Variants in ITGA1 observed in about 807,000 individuals in gnomAD.
ITGA1 encodes integrin alpha-1.
ITGA1 carries 85 observed loss-of-function variants against 145.9 expected under a neutral mutation model. The observed-to-expected ratio is 0.58, with a 90% CI of 0.49 to 0.70. The LOEUF is 0.70. ITGA1 is among the 30% of genes least tolerant of loss of function. ITGA1 has a pLI of 0.00. For missense variants in ITGA1, 1,351 were observed against 1,418.7 expected, an observed-to-expected ratio of 0.95 and a Z score of 0.77; for synonymous variants, 520 against 495.3, an observed-to-expected ratio of 1.05 and a Z score of -0.66.
At chr5:52,879,318 A>G (rs1749917349) in intron 6 of ITGA1, among the ~76,000 whole-genome samples, 1 of 152,204 alleles carries the variant, frequency 6.6e-6, no homozygotes, top group African/African-American at 2.4e-5. Flanking sequence ...ATCAAATAAA[A>G]ACAAAGGGGA....
chr5:52,940,381 A>G (rs929617584), intron 26 of ITGA1, among the ~76,000 whole-genome samples: 2 of 151,428 alleles, frequency 1.3e-5, no homozygotes, highest in African/African-American at 4.9e-5. Context: ...GTATAATTTT[A>G]TAATATATAG....
intron 26 of ITGA1, among the ~76,000 whole-genome samples, chr5:52,941,142 G>A (rs1751048163): frequency 6.6e-6 from 1 of 152,140 alleles, no homozygotes; most frequent in African/African-American, 2.4e-5. Flanking sequence ...AGTGTTCCAT[G>A]GTGTATATGT....
At chr5:52,923,379 C>T (rs967469961) in intron 18 of ITGA1, among the ~76,000 whole-genome samples, 8 of 151,652 alleles carry the variant, frequency 5.3e-5, no homozygotes, top group African/African-American at 7.3e-5. Context: ...GCTCCCAGGC[C>T]GTCTATAGTT....
At chr5:52,827,827 T>C (rs1037247761) in intron 1 of ITGA1, among the ~76,000 whole-genome samples, 12 of 152,322 alleles carry the variant, frequency 7.9e-5, no homozygotes, top group Admixed American at 3.3e-4. Context: ...GCATATTGTT[T>C]TTGTAGAAAT....
intron 24 of ITGA1, 151 bp downstream of exon 24, chr5:52,937,665 T>C (rs1750991150): frequency 8.0e-6 from 5 of 623,662 alleles, no homozygotes; most frequent in Non-Finnish European, 1.4e-5. Context: ...TAATAATAGA[T>C]GTATTATTCC....
chr5:52,920,491 C>G (rs1334356049), intron 17 of ITGA1, 23 bp downstream of exon 17: 1 of 1,552,516 alleles, frequency 6.4e-7, no homozygotes, highest in Admixed American at 2.0e-5. Flanking sequence ...TATATCGTTG[C>G]TGCCTTATTC....
chr5:52,865,804 C>T lies in ITGA1; in HGVS notation c.611C>T (p.Pro204Leu). 3.1e-6 allele frequency: 5 copies of T among 1,590,342 alleles called. No individual in the cohort carries two copies. Among genetic ancestry groups the T allele is most frequent in the Non-Finnish European group, 4.3e-6 (5 of 1,171,726 alleles). The change falls in exon 6 of 29, where the codon CCT becomes CTT. Residue 204 changes from proline (P) to leucine (L), a missense_variant. Transcript: ENST00000282588. ...CTTCTTGAAAGAATGGATATTGGTC[C>T]TAAACAGACACAGGTATGTGACTTT... ...NDLLERMDIG[P>L]KQTQVGIVQY...
chr5:52,915,053 A>C (rs12652105), intron 14 of ITGA1, among the ~76,000 whole-genome samples: 31,762 of 151,970 alleles, frequency 0.21, 4,014 homozygotes, highest in East Asian at 0.35. Context: ...CTCCAAATTG[A>C]CCCCTAGGAC....
At chr5:52,946,805 G>T (rs1235673594) in intron 27 of ITGA1, among the ~76,000 whole-genome samples, 1 of 151,942 alleles carries the variant, frequency 6.6e-6, no homozygotes, top group Non-Finnish European at 1.5e-5. Flanking sequence ...GAAACATTGT[G>T]GTATAATGAA....
At chr5:52,894,782 A>G (rs185459439) in intron 9 of ITGA1, among the ~76,000 whole-genome samples, 2 of 152,296 alleles carry the variant, frequency 1.3e-5, no homozygotes, top group Admixed American at 6.5e-5. Context: ...GATTTGATTG[A>G]TAATAGGAAA....
chr5:52,926,848 T>C (rs1020027758), intron 19 of ITGA1, among the ~76,000 whole-genome samples: 5 of 152,150 alleles, frequency 3.3e-5, no homozygotes, highest in Admixed American at 6.5e-5. Flanking sequence ...GTTTAGGCCC[T>C]GTACTAAGGA....
At chr5:52,884,447 T>TAAAAAA (rs72022536) in intron 7 of ITGA1, among the ~76,000 whole-genome samples, 1 of 136,736 alleles carries the variant, frequency 7.3e-6, no homozygotes, top group Non-Finnish European at 1.6e-5. Context: ...AACTCTGCCT[T>TAAAAAA]AAAAAAAAAA....
intron 26 of ITGA1, among the ~76,000 whole-genome samples, chr5:52,940,582 T>C (rs1751041366): frequency 6.6e-6 from 1 of 152,014 alleles, no homozygotes; most frequent in Non-Finnish European, 1.5e-5. Context: ...CTAATTTTTT[T>C]TTGTATTTTA....
intron 2 of ITGA1, 39 bp from the exon 3 acceptor site, chr5:52,861,408 C>A (rs1228457855): frequency 8.0e-7 from 1 of 1,244,344 alleles, no homozygotes; most frequent in Non-Finnish European, 1.2e-6. Context: ...AACTGTTTCT[C>A]AATGTTCAAA....
intron 22 of ITGA1, 69 bp from the exon 23 acceptor site, chr5:52,933,825 G>A (rs1750925873): frequency 1.4e-6 from 1 of 727,998 alleles, no homozygotes; most frequent in East Asian, 3.1e-5. Flanking sequence ...TATGGAGAAA[G>A]AAAATAATGA....
At chr5:52,793,212 C>T (rs1329982275) in intron 1 of ITGA1, among the ~76,000 whole-genome samples, 2 of 152,034 alleles carry the variant, frequency 1.3e-5, no homozygotes, top group Non-Finnish European at 2.9e-5. Context: ...TTGCTGTATG[C>T]TCTGTGAGGG....
At position 52,788,376 on chromosome 5, in the gene ITGA1, GC is replaced by G; in HGVS notation, c.26del (p.Pro9GlnfsTer25). 6.6e-7 allele frequency: 1 copy of G among 1,511,878 alleles called. No homozygotes were observed. Among genetic ancestry groups the G allele is most frequent in the Admixed American group, 2.1e-5 (1 of 47,552 alleles). 93.7% of individuals were successfully genotyped at this position (1,511,878 alleles called of 1,614,324 possible). A position where few individuals can be genotyped will look rare whatever the true frequency, so the allele number is the denominator to read the frequency against. On this transcript the variant is annotated frameshift_variant, in exon 1 of 29. Coordinates refer to ENST00000282588, the MANE Select transcript of ITGA1 (RefSeq NM_181501.2). LOFTEE classifies it high-confidence loss of function. Reference sequence around the variant, plus strand: ...GCCATGGCCCCTCGGCCCCGCGCCCGCCCAGGGGTCGCTGTCGCCTGCTGCT... The same window carrying G: ...GCCATGGCCCCTCGGCCCCGCGCCCGCCAGGGGTCGCTGTCGCCTGCTGCT... MAPRPRA[R>X]PGVAVACCWL...
intron 1 of ITGA1, among the ~76,000 whole-genome samples, chr5:52,807,428 T>G (rs1232639598): frequency 6.6e-6 from 1 of 151,930 alleles, no homozygotes; most frequent in Non-Finnish European, 1.5e-5. Flanking sequence ...AAAATGAAAT[T>G]AAAGAAGATT....
In ITGA1 at chr5:52,861,527, A is replaced by G; in HGVS notation, c.263A>G (p.Glu88Gly). 1 of 1,613,632 alleles carries G rather than the reference A, an allele frequency of 6.2e-7. No individual in the cohort carries two copies. The highest frequency in any genetic ancestry group is 8.5e-7 in the Non-Finnish European group (1 of 1,179,618). Residue 88 changes from glutamate to glycine, a missense_variant, in exon 3 of 29, where the codon GAA (glutamate) becomes GGA (glycine). Coordinates refer to ENST00000282588, the MANE Select transcript of ITGA1 (RefSeq NM_181501.2). ...DVYKCPVGRG[E>G]SLPCVKLDLP... ...TATAAGTGTCCAGTTGGGAGAGGTG[A>G]ATCATTACCTTGTGTAAAGTTGGAT... is the stretch of plus-strand genomic sequence containing the variant.
Sources: allele counts gnomAD v4.1 joint callset (sites outside exome capture counted in the v4.1 genomes callset), GRCh38; gene constraint gnomAD v4.1.1; transcripts MANE v1.5; gene names NCBI Gene and HGNC (gene_info 2026-07-23, HGNC 2026-07-21).